The following ZP2 variants were observed in gnomAD, a reference collection of about 807,000 sequenced individuals.
ZP2 encodes zona pellucida glycoprotein 2, also known as zona pellucida sperm-binding protein 2.
In ZP2, 51 loss-of-function variants were observed where a neutral mutation model predicts 84.0. The observed-to-expected ratio is 0.61, with a 90% CI of 0.49 to 0.77. The LOEUF (loss-of-function observed/expected upper bound fraction) is 0.77, where lower values mean the gene tolerates loss of function less well. Ranked by LOEUF, ZP2 falls within the 30% of genes least tolerant of loss-of-function variation. ZP2 has a pLI of 0.00. For synonymous variants in ZP2, 375 were observed against 330.9 expected (o/e 1.13, Z -1.45); for missense variants, 909 against 911.9 (o/e 1.00, Z 0.04).
upstream of ZP2, among the ~76,000 whole-genome samples, chr16:21,213,889 T>C (rs1017756942): frequency 3.9e-5 from 6 of 152,096 alleles, no homozygotes; most frequent in Non-Finnish European, 8.8e-5. Flanking sequence ...TGGTTAAGAC[T>C]ATGATAAGAC....
intron 4 of ZP2, among the ~76,000 whole-genome samples, chr16:21,207,406 C>G (rs1436515631): frequency 2.0e-5 from 3 of 152,084 alleles, no homozygotes; most frequent in Non-Finnish European, 4.4e-5. Flanking sequence ...GTCAGCCAAC[C>G]TTTTTCCATT....
intron 16 of ZP2, 43 bp downstream of exon 16, chr16:21,199,527 G>A (rs376083248): frequency 7.4e-6 from 11 of 1,479,464 alleles, no homozygotes; most frequent in Non-Finnish European, 1.0e-5. Context: ...GTTGATACTT[G>A]CTTTGAATTA....
In ZP2 at chr16:21,202,201, C is replaced by T; in HGVS notation, c.1190G>A (p.Arg397Lys). The T allele has an allele frequency of 6.3e-7, 1 of 1,591,752 alleles. No homozygotes were observed. The highest frequency in any genetic ancestry group is 2.2e-5 in the East Asian group (1 of 44,810). The change falls in exon 11 of 19, where the codon AGG becomes AAG. Residue 397 changes from arginine (R) to lysine (K), a missense_variant. Physicochemically the swap from Arg to Lys is conservative, Grantham distance 26 (BLOSUM62 2). Coordinates refer to ENST00000574091, the MANE Select transcript of ZP2 (RefSeq NM_001376232.1). ...AGGCTGGCAGGATGAGTTTCCCACC[C>T]TCAGAGTACCCAGGTCAAGAGCTGG... ...TQPALDLGTL[R>K]VGNSSCQPVF...
Position 21,204,386 on chromosome 16 carries a change from A to G in ZP2, c.712T>C (p.Tyr238His), listed in dbSNP as rs200100492. 2 of 1,614,006 alleles carry G rather than the reference A, an allele frequency of 1.2e-6. No homozygotes were observed. The highest frequency in any genetic ancestry group is 4.5e-5 in the East Asian group (2 of 44,886). Residue 238 changes from tyrosine to histidine, a missense_variant, in exon 8 of 19, where the codon TAC (tyrosine) becomes CAC (histidine). Coordinates refer to ENST00000574091, the MANE Select transcript of ZP2 (RefSeq NM_001376232.1). ...THYVQGNSHL[Y>H]MVSLKLTFIS... ...AATGTAAGCTTCAGAGACACCATGTAGAGATGACTGTTACCTTGCTAGGGG... is the reference window on the plus strand; with the variant it reads ...AATGTAAGCTTCAGAGACACCATGTGGAGATGACTGTTACCTTGCTAGGGG...
chr16:21,203,148 A>G lies in ZP2; in HGVS notation c.1076T>C (p.Leu359Pro), dbSNP rs1361107584. The G allele has an allele frequency of 3.6e-5, 58 of 1,613,756 alleles. No individual in the cohort carries two copies. Among genetic ancestry groups the G allele is most frequent in the Non-Finnish European group, 4.9e-5 (58 of 1,179,868 alleles). ...TVSMVIYPEC[L>P]CESPVSIVTG... ...ACCTATAGAAACGGGTGACTCACAG[A>G]GACACTCAGGATAGATCACCATGGA... The change falls in exon 10 of 19, where the codon CTC (leucine) becomes CCC (proline). Residue 359 changes from leucine (L) to proline (P), a missense_variant. Leu to Pro is a moderately conservative substitution (Grantham distance 98). Transcript: ENST00000574091.
intron 5 of ZP2, among the ~76,000 whole-genome samples, chr16:21,206,198 T>C (rs752380316): frequency 2.0e-5 from 3 of 152,160 alleles, no homozygotes; most frequent in Non-Finnish European, 4.4e-5. Flanking sequence ...GTTTTCACCA[T>C]GTTGGTCAGG....
At chr16:21,211,428 A>G (rs927242358) in intron 1 of ZP2, 33 bp from the exon 2 acceptor site, 1 of 1,614,078 alleles carries the variant, frequency 6.2e-7, no homozygotes, top group Non-Finnish European at 8.5e-7. Flanking sequence ...TCAAGGAAGA[A>G]TGGACTTTAA....
At position 21,198,873 on chromosome 16, in the gene ZP2, A is replaced by G; in HGVS notation, c.1928-11T>C. The G allele has an allele frequency of 6.2e-7, 1 of 1,613,062 alleles. No individual in the cohort carries two copies. The highest frequency in any genetic ancestry group is 1.1e-5 in the South Asian group (1 of 90,866). ...CAGTGGCCCCTGTGGCTGGAGACAG[A>G]TGATCAAGTTTGTGTTTGGCCTCTG... On this transcript the variant is annotated splice_polypyrimidine_tract_variant and intron_variant, in intron 16 of 18. Transcript: ENST00000574091.
At chr16:21,200,701 T>C (rs1395803877) in intron 14 of ZP2, among the ~76,000 whole-genome samples, 1 of 152,212 alleles carries the variant, frequency 6.6e-6, no homozygotes, top group South Asian at 2.1e-4. Flanking sequence ...GCTGGTTATT[T>C]AGGCAGCAAG....
At chr16:21,200,434 G>T (rs542533404) in intron 14 of ZP2, among the ~76,000 whole-genome samples, 1 of 152,152 alleles carries the variant, frequency 6.6e-6, no homozygotes, top group Admixed American at 6.6e-5. Flanking sequence ...GTGAGACCTC[G>T]TCTCAAAAAC....
At chr16:21,211,230 G>C in intron 2 of ZP2, 77 bp downstream of exon 2, 1 of 1,314,542 alleles carries the variant, frequency 7.6e-7, no homozygotes. Flanking sequence ...CCAGGCCTGT[G>C]TTTCTTGGCC....
chr16:21,214,376 C>T (rs1207608247), upstream of ZP2: 9 of 689,648 alleles, frequency 1.3e-5, no homozygotes, highest in East Asian at 5.5e-4. Flanking sequence ...ATAGCTGCTC[C>T]GTAAAACAGT....
Position 21,197,818 on chromosome 16 carries a change from C to G in ZP2, c.2043G>C (p.Gly681=), listed in dbSNP as rs760368574. 1 of 1,614,022 alleles carries G rather than the reference C, an allele frequency of 6.2e-7. No individual in the cohort carries two copies. The highest frequency in any genetic ancestry group is 8.5e-7 in the Non-Finnish European group (1 of 1,180,026). Residue 681 remains glycine, a synonymous_variant, in exon 18 of 19, where the codon GGG becomes GGC. Coordinates refer to ENST00000574091, the MANE Select transcript of ZP2 (RefSeq NM_001376232.1). ...GVGSSDLKAS[G]SSGEKSRSET... ...CACTCCTACTCTTCTCCCCACTGCT[C>G]CCACTTGCTTTTAGATCAGATGAGC...
rs765575302 is a variant in ZP2, at chr16:21,204,042, CAG to C, written c.958_959del (p.Leu320AlafsTer7). The C allele has an allele frequency of 6.2e-7, 1 of 1,613,506 alleles. No individual in the cohort carries two copies. The highest frequency in any genetic ancestry group is 8.5e-7 in the Non-Finnish European group (1 of 1,179,996). On this transcript the variant is annotated frameshift_variant, in exon 9 of 19. Transcript: ENST00000574091. LOFTEE classifies it high-confidence loss of function. Reference sequence around the variant, plus strand: ...CAATTGAACATACTTTCGTTTTGAGCAGAGTTTTGCTGAAATGCAATTTCATG... The same window carrying C: ...CAATTGAACATACTTTCGTTTTGAGCAGTTTTGCTGAAATGCAATTTCATG... The part of the protein sequence containing the change: ...NGMKLHFSKT[L>X]LKTKLSEKCL...
chr16:21,206,566 A>C (rs1478927928), intron 5 of ZP2, among the ~76,000 whole-genome samples: 1 of 152,144 alleles, frequency 6.6e-6, no homozygotes, highest in African/African-American at 2.4e-5. Flanking sequence ...GAGTGCAACT[A>C]CCAATAAAAC....
At position 21,201,389 on chromosome 16, in the gene ZP2, C is replaced by A; in HGVS notation, c.1674G>T (p.Gln558His). 1 of 1,585,344 alleles carries A rather than the reference C, an allele frequency of 6.3e-7. No individual in the cohort carries two copies. The highest frequency in any genetic ancestry group is 1.2e-5 in the South Asian group (1 of 86,252). The change falls in exon 14 of 19, where the codon CAG (glutamine) becomes CAT (histidine). Residue 558 changes from glutamine to histidine, a missense_variant. Coordinates refer to ENST00000574091, the MANE Select transcript of ZP2 (RefSeq NM_001376232.1). ...TSTMDPDSFPQWNVVVDGCAY... is the reference protein window; with the variant it reads ...TSTMDPDSFPHWNVVVDGCAY... ...CCTACCCATCCACGACAACGTTCCA[C>A]TGGGGGAAAGAGTCTGGATCCATGG...
At chr16:21,197,886 T>TG (rs1381128856) in intron 17 of ZP2, 37 bp from the exon 18 acceptor site, 2 of 1,597,240 alleles carry the variant, frequency 1.3e-6, no homozygotes, top group Non-Finnish European at 1.7e-6. Context: ...AACATCTTCA[T>TG]GCTAGTCGAT....
intron 17 of ZP2, among the ~76,000 whole-genome samples, chr16:21,198,460 T>G (rs2093209754): frequency 6.6e-6 from 1 of 152,028 alleles, no homozygotes; most frequent in Non-Finnish European, 1.5e-5. Flanking sequence ...CCTATAGATA[T>G]CCATGAATGA....
intron 10 of ZP2, among the ~76,000 whole-genome samples, chr16:21,202,901 T>C (rs17696171): frequency 0.17 from 25,476 of 152,124 alleles, 2,225 homozygotes; most frequent in African/African-American, 0.18. Flanking sequence ...ATCTAGATTG[T>C]TTAACCATGG....
Sources: allele counts gnomAD v4.1 joint callset (sites outside exome capture counted in the v4.1 genomes callset), GRCh38; gene constraint gnomAD v4.1.1; transcripts MANE v1.5; gene names NCBI Gene and HGNC (gene_info 2026-07-23, HGNC 2026-07-21).